Variants in PKIG observed in about 807,000 individuals in gnomAD.
The protein encoded by PKIG is cAMP-dependent protein kinase inhibitor gamma, also known as protein kinase (cAMP-dependent, catalytic) inhibitor gamma.
Under a neutral mutation model 6.8 loss-of-function variants are expected in PKIG, and 1 was observed. That is an observed-to-expected ratio of 0.15 (90% confidence interval 0.05 to 0.69). The LOEUF (loss-of-function observed/expected upper bound fraction) is 0.69. Among genes scored for constraint, PKIG ranks in the 30% least tolerant of loss-of-function variants. The pLI is 0.82. For synonymous variants in PKIG, 39 were observed against 43.0 expected, an observed-to-expected ratio of 0.91 and a Z score of 0.36; for missense variants, 77 against 104.0, an observed-to-expected ratio of 0.74 and a Z score of 1.13.
chr20:44,605,095 A>C (rs1159709632), intron 2 of PKIG, among the ~76,000 whole-genome samples: 4 of 152,210 alleles, frequency 2.6e-5, no homozygotes, highest in Non-Finnish European at 5.9e-5. Flanking sequence ...TAGACAGATC[A>C]GCTGGAGAGA....
rs144151940 is a variant in PKIG at position 44,535,808 on chromosome 20, A to G, written c.-241+3830A>G. Among the ~76,000 whole-genome samples the G allele has an allele frequency of 1.4e-4, 21 of 152,368 alleles. No individual in the cohort carries two copies. The East Asian group carries it at 4.0e-3, about 29-fold the overall frequency. ...TACTAGTTCTTTTTAAAAATGTTAA[A>G]TCTTTAATTGTGATAAAATTTACCA... On this transcript the variant is annotated intron_variant, in intron 1 of 4. Transcript: ENST00000372887.
chr20:44,539,501 C>T (rs2064541942), intron 1 of PKIG, among the ~76,000 whole-genome samples: 1 of 151,704 alleles, frequency 6.6e-6, no homozygotes, highest in Non-Finnish European at 1.5e-5. Context: ...CTCACTGCAA[C>T]CTTGCCTCCC....
intron 1 of PKIG, among the ~76,000 whole-genome samples, chr20:44,559,617 G>C (rs571888420): frequency 6.6e-6 from 1 of 152,302 alleles, no homozygotes; most frequent in Admixed American, 6.5e-5. Context: ...GTCCCAGTGA[G>C]ACTATGCACA....
intron 2 of PKIG, among the ~76,000 whole-genome samples, chr20:44,610,494 T>TCACA (rs2065207007): frequency 8.8e-6 from 1 of 113,508 alleles, no homozygotes; most frequent in African/African-American, 4.4e-5. Flanking sequence ...CTTCTCTCTC[T>TCACA]CTCTCTCACA....
Position 44,618,358 on chromosome 20 carries a change from G to T in PKIG, c.225G>T (p.Ser75=), listed in dbSNP as rs201059818. Residue 75 remains serine (S), a synonymous_variant, in exon 4 of 4, where the codon TCG becomes TCT. Coordinates refer to ENST00000372886, the MANE Select transcript of PKIG (RefSeq NM_001281445.2). ...CCCAGAGCAGCGATGGGACCACCTC[G>T]TCTTGAATCTGACCTTGTCCAAGAA... is the stretch of plus-strand genomic sequence containing the variant. ...NQPQSSDGTT[S]S is the part of the protein sequence containing the mutation. 19 of 1,608,848 alleles carry T rather than the reference G, an allele frequency of 1.2e-5. No homozygotes were observed. Among genetic ancestry groups the T allele is most frequent in the Non-Finnish European group, 1.4e-5 (16 of 1,175,186 alleles).
intron 1 of PKIG, among the ~76,000 whole-genome samples, chr20:44,566,856 T>TAAAA (rs1217492919): frequency 6.6e-6 from 1 of 151,966 alleles, no homozygotes; most frequent in Non-Finnish European, 1.5e-5. Flanking sequence ...AATAAATAAA[T>TAAAA]AAAAATAAAA....
chr20:44,613,971 C>T lies in PKIG; in HGVS notation c.-23-563C>T, dbSNP rs576055021. On this transcript the variant is annotated intron_variant, in intron 2 of 3. Transcript: ENST00000372886. The stretch of plus-strand genomic sequence containing the variant: ...CCCTCATGCCTCCCTCCCTCAGAGC[C>T]TTCACACATGCTGTTCCCCTCTCTG... Among the ~76,000 whole-genome samples the T allele has an allele frequency of 4.6e-5, 7 of 152,310 alleles. No individual in the cohort carries two copies. In the South Asian group the frequency reaches 1.0e-3, roughly 23 times the overall value.
intron 2 of PKIG, among the ~76,000 whole-genome samples, chr20:44,593,351 T>A: frequency 1.6e-5 from 2 of 121,780 alleles, no homozygotes; most frequent in Non-Finnish European, 1.7e-5. Context: ...AAAATTATAA[T>A]GCTATAATAA....
chr20:44,567,670 T>C (rs2064821476), intron 1 of PKIG, among the ~76,000 whole-genome samples: 1 of 152,136 alleles, frequency 6.6e-6, no homozygotes, highest in Non-Finnish European at 1.5e-5. Context: ...TTGTCCAGCT[T>C]GTGTTTCTTG....
At chr20:44,534,081 G>A (rs567587692) in intron 1 of PKIG, among the ~76,000 whole-genome samples, 2 of 152,262 alleles carry the variant, frequency 1.3e-5, no homozygotes, top group South Asian at 2.1e-4. Flanking sequence ...GTTTGGCTGC[G>A]AAGGGAGGTA....
chr20:44,573,393 A>G (rs1031217548), intron 1 of PKIG, among the ~76,000 whole-genome samples: 1 of 152,242 alleles, frequency 6.6e-6, no homozygotes, highest in African/African-American at 2.4e-5. Context: ...TGTTGAGAGG[A>G]CATAAGGAAT....
chr20:44,571,334 T>G (rs575006475), intron 1 of PKIG, among the ~76,000 whole-genome samples: 4 of 152,252 alleles, frequency 2.6e-5, no homozygotes, highest in South Asian at 4.1e-4. Flanking sequence ...TACCAGAACT[T>G]TTTTCCTAAT....
At chr20:44,539,278 C>T (rs1328511003) in intron 1 of PKIG, among the ~76,000 whole-genome samples, 1 of 152,104 alleles carries the variant, frequency 6.6e-6, no homozygotes, top group Non-Finnish European at 1.5e-5. Flanking sequence ...GGTCTGTGTT[C>T]ACTGGGATCC....
intron 1 of PKIG, among the ~76,000 whole-genome samples, chr20:44,575,171 G>C (rs6130643): frequency 6.6e-6 from 1 of 152,128 alleles, no homozygotes; most frequent in Non-Finnish European, 1.5e-5. Context: ...TCCTGCCTCA[G>C]CCTCCCAAGT....
chr20:44,553,949 C>T (rs186504158), intron 1 of PKIG, among the ~76,000 whole-genome samples: 103 of 152,156 alleles, frequency 6.8e-4, no homozygotes, highest in African/African-American at 2.4e-3. Flanking sequence ...GAGAGAAGAG[C>T]TTGCCCTTGG....
chr20:44,615,784 CAG>C (rs140452023), intron 3 of PKIG, among the ~76,000 whole-genome samples: 9,081 of 152,218 alleles, frequency 0.06, 317 homozygotes, highest in African/African-American at 0.091. Context: ...AAGTACAGAA[CAG>C]AGAAGACTTT....
intron 1 of PKIG, among the ~76,000 whole-genome samples, chr20:44,572,241 A>G (rs2064860013): frequency 6.6e-6 from 1 of 152,182 alleles, no homozygotes; most frequent in Non-Finnish European, 1.5e-5. Context: ...CCTGACCTCA[A>G]GTGATCCACC....
In PKIG at chr20:44,614,283, T is replaced by G; in HGVS notation, c.-23-251T>G. ...CATGGTATTAATAAATGTGTGTACA[T>G]GTTTGTCAATAATTTTATTTAAAGA... On this transcript the variant is annotated intron_variant, in intron 2 of 3. Coordinates refer to ENST00000372886, the MANE Select transcript of PKIG (RefSeq NM_001281445.2). The surrounding 1 kb of genome is among the most constrained non-coding windows in gnomAD (Gnocchi z 4.6). 1 of 379,060 alleles carries G rather than the reference T, an allele frequency of 2.6e-6. No homozygotes were observed. The highest frequency in any genetic ancestry group is 2.1e-5 in the African/African-American group (1 of 48,520). The allele number at this position is 379,060 out of a possible 1,614,324, so 23.5% of individuals were successfully genotyped here.
intron 2 of PKIG, among the ~76,000 whole-genome samples, chr20:44,603,689 A>T (rs1351040189): frequency 1.3e-5 from 2 of 152,130 alleles, no homozygotes; most frequent in African/African-American, 4.8e-5. Context: ...GAGCTCTGGG[A>T]TGTCTTTCGG....
Sources: allele counts gnomAD v4.1 joint callset (sites outside exome capture counted in the v4.1 genomes callset), GRCh38; gene constraint gnomAD v4.1.1; non-coding constraint Gnocchi (gnomAD v3.1); transcripts MANE v1.5; gene names NCBI Gene and HGNC (gene_info 2026-07-23, HGNC 2026-07-21).